Variants in MYO18B observed in about 807,000 individuals in gnomAD.
MYO18B encodes the protein unconventional myosin-XVIIIb.
In MYO18B, 204 loss-of-function variants were observed where a neutral mutation model predicts 273.0. The ratio of observed to expected loss-of-function variants is 0.75; its 90% CI spans 0.67 to 0.84. The LOEUF is 0.84. Among genes scored for constraint, MYO18B ranks in the 40% least tolerant of loss-of-function variants. The pLI, the probability that MYO18B is intolerant of heterozygous loss-of-function variation, is 0.00. For missense variants in MYO18B, 3,212 were observed against 3,287.6 expected (o/e 0.98, Z 0.56); for synonymous variants, 1,330 against 1,305.7 (o/e 1.02, Z -0.40).
chr22:26,006,954 A>G (rs1358851441), intron 42 of MYO18B, among the ~76,000 whole-genome samples: 3 of 152,232 alleles, frequency 2.0e-5, no homozygotes, highest in Non-Finnish European at 4.4e-5. Context: ...TGATCCATGC[A>G]TAGATGGTCT....
intron 20 of MYO18B, among the ~76,000 whole-genome samples, chr22:25,850,011 G>A (rs756983409): frequency 6.6e-6 from 1 of 152,156 alleles, no homozygotes; most frequent in Non-Finnish European, 1.5e-5. Flanking sequence ...CACAGAGACG[G>A]GACATGAATG....
At chr22:25,899,476 A>G (rs796144949) in intron 29 of MYO18B, 9 of 152,332 alleles carry the variant, frequency 5.9e-5, no homozygotes, top group African/African-American at 2.2e-4. Context: ...TCCAAGAAGT[A>G]GGAAGGAGAA....
At chr22:25,928,485 G>A (rs1257955181) in intron 34 of MYO18B, among the ~76,000 whole-genome samples, 2 of 150,616 alleles carry the variant, frequency 1.3e-5, no homozygotes, top group Non-Finnish European at 2.9e-5. Flanking sequence ...TCTACCAGCA[G>A]CAACAGTTTC....
intron 34 of MYO18B, among the ~76,000 whole-genome samples, chr22:25,929,446 A>T (rs2092467675): frequency 6.6e-6 from 1 of 152,210 alleles, no homozygotes; most frequent in Non-Finnish European, 1.5e-5. Flanking sequence ...TAATTGAGAT[A>T]ATCGCTGTGC....
rs1176111184 is a variant in MYO18B, at chr22:25,839,212, GTATATGTGTGTGTA to G, written c.3208+3777_3208+3790del. On this transcript the variant is annotated intron_variant, in intron 17 of 43. Transcript: ENST00000335473. ...TGTGTTTGTATATGTGTGCACGTGT[GTATATGTGTGTGTA>G]TATATGTATGAGTGTGTTTGTATAT... is the stretch of plus-strand genomic sequence containing the variant. 2.0e-5 allele frequency among the ~76,000 whole-genome samples: 3 copies of G among 151,908 alleles called. No individual in the cohort carries two copies. The East Asian group carries it at 5.8e-4, about 29-fold the overall frequency.
At chr22:26,035,655 A>G (rs73879811), downstream of MYO18B, among the ~76,000 whole-genome samples, 11,989 of 152,320 alleles carry the variant, frequency 0.079, 809 homozygotes, top group African/African-American at 0.18. Context: ...CAGAAAGCCA[A>G]TCATTGAGAC....
Position 25,768,152 on chromosome 22 carries a change from C to G in MYO18B, c.236C>G (p.Ser79Cys). Reference sequence around the variant, plus strand: ...TCCATCAGCCAACCCAACAGCAAGTCCAGCAGTGGCACCAGATCTGGAAGC... The same window carrying G: ...TCCATCAGCCAACCCAACAGCAAGTGCAGCAGTGGCACCAGATCTGGAAGC... ...EISISQPNSK[S>C]SSGTRSGSQQ... The change falls in exon 4 of 44, where the codon TCC (serine) becomes TGC (cysteine). Residue 79 changes from serine to cysteine, a missense_variant. By Grantham distance (112) the Ser-to-Cys change is moderately radical (BLOSUM62 -1). Coordinates refer to ENST00000335473, the MANE Select transcript of MYO18B (RefSeq NM_032608.7). 6.2e-7 allele frequency: 1 copy of G among 1,610,392 alleles called. No individual in the cohort carries two copies. Among genetic ancestry groups the G allele is most frequent in the Non-Finnish European group, 8.5e-7 (1 of 1,177,976 alleles).
At chr22:25,849,542 C>T (rs892690756) in intron 20 of MYO18B, among the ~76,000 whole-genome samples, 6 of 152,136 alleles carry the variant, frequency 3.9e-5, no homozygotes, top group Non-Finnish European at 7.3e-5. Context: ...GTACCTACTA[C>T]GTACTAGACA....
intron 34 of MYO18B, among the ~76,000 whole-genome samples, chr22:25,930,466 C>T (rs562306891): frequency 6.6e-6 from 1 of 151,692 alleles, no homozygotes; most frequent in African/African-American, 2.4e-5. Flanking sequence ...GCCACCAATG[C>T]CTCCTGTTGG....
intron 11 of MYO18B, among the ~76,000 whole-genome samples, chr22:25,791,149 A>G (rs1239681942): frequency 1.2e-5 from 1 of 86,312 alleles, no homozygotes; most frequent in African/African-American, 4.2e-5. Context: ...TCAACAGATC[A>G]TTCCAAGCTG....
Position 25,822,241 on chromosome 22 carries a change from C to T in MYO18B, c.2522-1264C>T, listed in dbSNP as rs558853325. Among the ~76,000 whole-genome samples the T allele has an allele frequency of 2.6e-5, 4 of 152,318 alleles. No homozygotes were observed. The East Asian group carries it at 5.8e-4, about 22-fold the overall frequency. ...GCCTCCTTCAACCTCTGAAGCACTT[C>T]GCTGGTTCTTTATGTAGTACCTCCT... On this transcript the variant is annotated intron_variant, in intron 12 of 43. Coordinates refer to ENST00000335473, the MANE Select transcript of MYO18B (RefSeq NM_032608.7).
rs148846761 is a variant in MYO18B, at chr22:25,777,606, C to T, written c.1893C>T (p.Gly631=). Residue 631 remains glycine (G), a synonymous_variant, in exon 8 of 44, where the codon GGC becomes GGT. Coordinates refer to ENST00000335473, the MANE Select transcript of MYO18B (RefSeq NM_032608.7). ...AGKVPKGRRD[G]LPAHIGSMAQ... Reference sequence around the variant, plus strand: ...AGGTGCCCAAGGGCCGCCGGGATGGCCTGCCTGCCCACATTGGCTCCATGG... The same window carrying T: ...AGGTGCCCAAGGGCCGCCGGGATGGTCTGCCTGCCCACATTGGCTCCATGG... 3.1e-5 allele frequency: 49 copies of T among 1,597,984 alleles called. No individual in the cohort carries two copies. The East Asian group carries it at 1.1e-3, about 35-fold the overall frequency.
chr22:25,990,131 CCTCT>C (rs755493967), intron 39 of MYO18B, among the ~76,000 whole-genome samples: 16 of 151,748 alleles, frequency 1.1e-4, no homozygotes, highest in Non-Finnish European at 2.4e-4. Context: ...TTGCCTGCTG[CCTCT>C]CTCTCTCTCT....
chr22:25,884,088 ACTC>A (rs1221970736), intron 25 of MYO18B, among the ~76,000 whole-genome samples: 1 of 151,886 alleles, frequency 6.6e-6, no homozygotes, highest in African/African-American at 2.4e-5. Context: ...AGGCCCATGC[ACTC>A]CTCATTTCTG....
chr22:25,952,256 A>T, intron 37 of MYO18B, 30 bp from the exon 38 acceptor site: 1 of 1,601,514 alleles, frequency 6.2e-7, no homozygotes, highest in African/African-American at 1.3e-5. Context: ...GGGACAACAG[A>T]TGTCCAATAG....
the MYO18B span, among the ~76,000 whole-genome samples, chr22:26,060,495 C>T: frequency 6.6e-5 from 10 of 152,224 alleles, no homozygotes; most frequent in African/African-American, 2.4e-5. Flanking sequence ...GTGTTTGAGG[C>T]TCCTGGGTCA....
At chr22:26,060,922 C>CACAT in the MYO18B span, among the ~76,000 whole-genome samples, 19 of 152,098 alleles carry the variant, frequency 1.2e-4, no homozygotes, top group African/African-American at 4.3e-4. Context: ...TACATATACA[C>CACAT]ACATACATTC....
At position 25,780,085 on chromosome 22, in the gene MYO18B, C is replaced by T. The variant is rs752053285; in HGVS notation, c.2098C>T (p.Leu700Phe). The change falls in exon 9 of 44, where the codon CTC (leucine) becomes TTC (phenylalanine). Residue 700 changes from leucine (L) to phenylalanine (F), a missense_variant. Transcript: ENST00000335473. ...GAAGATCCGAGCCACCTTCACTGTC[C>T]TCCGGGCCTTCGGCTCTGTGTCCAT... ...VEKIRATFTV[L>F]RAFGSVSMAH... 46 of 1,597,272 alleles carry T rather than the reference C, an allele frequency of 2.9e-5. No homozygotes were observed. The highest frequency in any genetic ancestry group is 3.9e-5 in the Non-Finnish European group (46 of 1,173,228).
At chr22:25,993,581 A>G (rs1932924167) in intron 40 of MYO18B, among the ~76,000 whole-genome samples, 1 of 152,112 alleles carries the variant, frequency 6.6e-6, no homozygotes, top group Non-Finnish European at 1.5e-5. Context: ...GAGGACCCTG[A>G]CTTTAGAGAA....
Sources: allele counts gnomAD v4.1 joint callset (sites outside exome capture counted in the v4.1 genomes callset), GRCh38; gene constraint gnomAD v4.1.1; transcripts MANE v1.5; gene names NCBI Gene and HGNC (gene_info 2026-07-23, HGNC 2026-07-21).